NALCN: variants seen among roughly 807,000 people sequenced by gnomAD.
The protein encoded by NALCN is sodium leak channel NALCN.
A neutral mutation model predicts 225.3 loss-of-function variants in NALCN; 111 were observed. That is an observed-to-expected ratio of 0.49 (90% CI 0.42 to 0.58). The LOEUF (loss-of-function observed/expected upper bound fraction) is 0.58, where lower values mean the gene tolerates loss of function less well. Ranked by LOEUF, NALCN falls within the 20% of genes least tolerant of loss-of-function variation. NALCN has a pLI of 0.00. For synonymous variants in NALCN, 764 were observed against 769.0 expected (o/e 0.99, Z 0.11); for missense variants, 1,378 against 2,202.4 (o/e 0.63, Z 7.49).
chr13:101,360,768 C>T (rs1449098466), intron 6 of NALCN, among the ~76,000 whole-genome samples: 1 of 152,128 alleles, frequency 6.6e-6, no homozygotes, highest in African/African-American at 2.4e-5. Context: ...CAAAGACATA[C>T]CTGCCTCTTT....
chr13:101,338,277 C>T (rs2045446827), intron 7 of NALCN, among the ~76,000 whole-genome samples: 1 of 152,164 alleles, frequency 6.6e-6, no homozygotes, highest in Non-Finnish European at 1.5e-5. Context: ...CATAGTTTAT[C>T]TTGCTTGTGG....
At chr13:101,124,143 T>C (rs1057155587) in intron 18 of NALCN, among the ~76,000 whole-genome samples, 13 of 152,242 alleles carry the variant, frequency 8.5e-5, no homozygotes, top group Non-Finnish European at 1.9e-4. Context: ...TTCTAGAAAG[T>C]AGCATTAAAA....
At position 101,065,572 on chromosome 13, in the gene NALCN, G is replaced by A; in HGVS notation, c.4447-11C>T. 6.2e-7 allele frequency: 1 copy of A among 1,612,662 alleles called. No homozygotes were observed. The highest frequency in any genetic ancestry group is 8.5e-7 in the Non-Finnish European group (1 of 1,179,742). On this transcript the variant is annotated splice_polypyrimidine_tract_variant and intron_variant, in intron 39 of 43. Coordinates refer to ENST00000251127, the MANE Select transcript of NALCN (RefSeq NM_052867.4). ...CGTGGGGATCACCCCCTGCGGGGCA[G>A]AGCACAAGAAGTAGCAAATCATCAG...
intron 37 of NALCN, 137 bp from the exon 38 acceptor site, chr13:101,068,964 T>TA: frequency 1.3e-6 from 1 of 799,690 alleles, no homozygotes; most frequent in Non-Finnish European, 1.8e-6. Context: ...AAAAGCCACA[T>TA]ACATTGGGTA....
intron 7 of NALCN, among the ~76,000 whole-genome samples, chr13:101,319,110 T>G (rs2044656440): frequency 6.6e-6 from 1 of 152,182 alleles, no homozygotes; most frequent in Non-Finnish European, 1.5e-5. Flanking sequence ...CTGCAGTATA[T>G]TTTGCAGAAT....
Position 101,082,738 on chromosome 13 carries a change from C to CA in NALCN, c.3765+70dup, listed in dbSNP as rs1269476626. ...ACACAGAGAGGAGAGTAAGTGGCAT[C>CA]AAAGAGGGAGGCTGATTTACTTTAA... On this transcript the variant is annotated intron_variant, in intron 33 of 43. Coordinates refer to ENST00000251127, the MANE Select transcript of NALCN (RefSeq NM_052867.4). The CA allele has an allele frequency of 2.0e-6, 3 of 1,507,394 alleles. No individual in the cohort carries two copies. In the African/African-American group the frequency reaches 4.1e-5, roughly 21 times the overall value. The allele number at this position is 1,507,394 out of a possible 1,614,324, so 93.4% of individuals were successfully genotyped here.
intron 9 of NALCN, among the ~76,000 whole-genome samples, chr13:101,289,162 A>C (rs917530443): frequency 2.0e-5 from 3 of 152,196 alleles, no homozygotes; most frequent in Admixed American, 6.5e-5. Flanking sequence ...AACTGAGCAC[A>C]AGGCAATAGT....
intron 17 of NALCN, among the ~76,000 whole-genome samples, chr13:101,135,144 G>C (rs1414568429): frequency 2.6e-5 from 4 of 152,210 alleles, no homozygotes; most frequent in Non-Finnish European, 5.9e-5. Flanking sequence ...GCAGTGAGCC[G>C]AGATCGTGCC....
intron 10 of NALCN, among the ~76,000 whole-genome samples, chr13:101,264,432 A>G (rs1309737749): frequency 6.6e-6 from 1 of 152,060 alleles, no homozygotes; most frequent in Non-Finnish European, 1.5e-5. Context: ...CAAAGAGTCT[A>G]TACTAGATTA....
At chr13:101,057,914 T>C (rs2031463297) in intron 43 of NALCN, 25 bp downstream of exon 43, 2 of 1,567,088 alleles carry the variant, frequency 1.3e-6, no homozygotes, top group South Asian at 1.1e-5. Flanking sequence ...CCTCGATCGC[T>C]GGAGAAATGC....
chr13:101,179,839 C>A (rs761914038), intron 14 of NALCN, among the ~76,000 whole-genome samples: 1 of 152,134 alleles, frequency 6.6e-6, no homozygotes, highest in Non-Finnish European at 1.5e-5. Flanking sequence ...ATTGAGTTGT[C>A]GGCAAGACCA....
At chr13:101,296,980 A>G (rs1156906196) in intron 7 of NALCN, among the ~76,000 whole-genome samples, 1 of 152,204 alleles carries the variant, frequency 6.6e-6, no homozygotes, top group Non-Finnish European at 1.5e-5. Flanking sequence ...GATATTTTTT[A>G]TAGCTCTGAA....
intron 11 of NALCN, among the ~76,000 whole-genome samples, chr13:101,245,018 AC>A (rs34680393): frequency 0.39 from 59,695 of 151,916 alleles, 12,382 homozygotes; most frequent in Admixed American, 0.51. Context: ...CACCAAAGTC[AC>A]CTGTGCAGGT....
intron 7 of NALCN, among the ~76,000 whole-genome samples, chr13:101,315,546 T>G (rs935160535): frequency 2.0e-5 from 3 of 152,160 alleles, no homozygotes; most frequent in Non-Finnish European, 2.9e-5. Context: ...ATGTAGAAAT[T>G]AAGGGAGAAA....
chr13:101,191,875 A>G lies in NALCN; in HGVS notation c.1764+42T>C. ...AATATCTGTTGATGTTCATCCCATT[A>G]TAAATTCCAAGATATAATTGAAAAA... On this transcript the variant is annotated intron_variant, in intron 14 of 43. Coordinates refer to ENST00000251127, the MANE Select transcript of NALCN (RefSeq NM_052867.4). 2.5e-6 allele frequency: 4 copies of G among 1,578,188 alleles called. No homozygotes were observed. The South Asian group carries it at 4.7e-5, about 18-fold the overall frequency.
chr13:101,277,184 TC>T (rs2042997495), intron 10 of NALCN, among the ~76,000 whole-genome samples: 1 of 152,084 alleles, frequency 6.6e-6, no homozygotes, highest in Non-Finnish European at 1.5e-5. Flanking sequence ...GCCACCTTAA[TC>T]AATCTTGTTT....
intron 1 of NALCN, among the ~76,000 whole-genome samples, chr13:101,415,491 A>C (rs1163743869): frequency 6.6e-6 from 1 of 152,158 alleles, no homozygotes; most frequent in African/African-American, 2.4e-5. Context: ...AAGGTATTTC[A>C]AGCACTAAGG....
Position 101,065,260 on chromosome 13 carries a change from G to A in NALCN, c.4604+144C>T, listed in dbSNP as rs2032278187. The A allele has an allele frequency of 1.8e-5, 15 of 837,064 alleles. 1 individual carries two copies. The South Asian group carries it at 1.8e-4, about 10-fold the overall frequency. 51.9% of individuals were successfully genotyped at this position (837,064 alleles called of 1,614,324 possible). A position where few individuals can be genotyped will look rare whatever the true frequency, so the allele number is the denominator to read the frequency against. ...CGGCAGGAAAGGGCACTTAGCGCCT[G>A]GGACATGTGACCCCACTTCACGACC... On this transcript the variant is annotated intron_variant, in intron 40 of 43. Transcript: ENST00000251127.
At chr13:101,078,167 C>T (rs538374517) in intron 34 of NALCN, among the ~76,000 whole-genome samples, 2 of 152,260 alleles carry the variant, frequency 1.3e-5, no homozygotes, top group African/African-American at 2.4e-5. Flanking sequence ...GGGGGTAGAG[C>T]CCTCATGGAG....
Sources: gnomAD v4.1 joint callset for allele counts (sites outside exome capture counted in the v4.1 genomes callset) on GRCh38, gnomAD v4.1.1 for gene constraint, MANE v1.5 for transcripts, NCBI Gene and HGNC (gene_info 2026-07-23, HGNC 2026-07-21) for gene names.